Variants in AEBP2 observed in about 807,000 individuals in gnomAD.
AEBP2 encodes AE binding protein 2, also known as zinc finger protein AEBP2.
AEBP2 carries 10 observed loss-of-function variants against 50.8 expected under a neutral mutation model. The observed-to-expected ratio is 0.20, with a 90% CI of 0.12 to 0.33. AEBP2 has a LOEUF of 0.33. AEBP2 is among the 10% of genes least tolerant of loss of function. The pLI, the probability that AEBP2 is intolerant of heterozygous loss-of-function variation, is 1.00. For synonymous variants in AEBP2, 296 were observed against 261.3 expected (o/e 1.13, Z -1.28); for missense variants, 570 against 688.0 (o/e 0.83, Z 1.92).
At position 19,479,717 on chromosome 12, in the gene AEBP2, GTTTTTTTTTTTT is replaced by G. The variant is rs369410408; in HGVS notation, c.987+6382_987+6393del. On this transcript the variant is annotated intron_variant, in intron 3 of 7. Transcript: ENST00000266508. Reference sequence around the variant, plus strand: ...ATTATTTAATGTCACCTCTTTGTGGGTTTTTTTTTTTTTTTTTTTTTTTTTTTTTTTACTATT... The same window carrying G: ...ATTATTTAATGTCACCTCTTTGTGGGTTTTTTTTTTTTTTTTTTTACTATT... 2.9e-3 allele frequency among the ~76,000 whole-genome samples: 65 copies of G among 22,354 alleles called. 2 individuals carry two copies. The highest frequency in any genetic ancestry group is 0.11 in the Middle Eastern group (2 of 18). The allele number at this position is 22,354 out of a possible 152,430, so 14.7% of individuals were successfully genotyped here. A position where few individuals can be genotyped will look rare whatever the true frequency, so the allele number is the denominator to read the frequency against.
chr12:19,442,864 T>C (rs1423732305), intron 1 of AEBP2, among the ~76,000 whole-genome samples: 1 of 152,158 alleles, frequency 6.6e-6, no homozygotes, highest in African/African-American at 2.4e-5. Flanking sequence ...TAAATTACTG[T>C]AGATTACATC....
At chr12:19,487,283 T>C (rs1253641137) in intron 3 of AEBP2, among the ~76,000 whole-genome samples, 1 of 152,162 alleles carries the variant, frequency 6.6e-6, no homozygotes, top group African/African-American at 2.4e-5. Context: ...TCATTTCAGG[T>C]ATTTTTTTTT....
chr12:19,436,528 G>A (rs10841229), upstream of AEBP2, among the ~76,000 whole-genome samples: 75,485 of 151,364 alleles, frequency 0.5, 20,014 homozygotes, highest in Non-Finnish European at 0.61. Flanking sequence ...TCCTGGGGTC[G>A]GGATCGGGGC....
Position 19,521,335 on chromosome 12 carries a change from T to G in AEBP2, c.*3218T>G, listed in dbSNP as rs1363565554. 1 of 152,178 alleles carries G rather than the reference T, an allele frequency of 6.6e-6. No individual in the cohort carries two copies. Among genetic ancestry groups the G allele is most frequent in the African/African-American group, 2.4e-5 (1 of 41,436 alleles). The allele number at this position is 152,178 out of a possible 1,614,324, so 9.4% of individuals were successfully genotyped here. A position where few individuals can be genotyped will look rare whatever the true frequency, so the allele number is the denominator to read the frequency against. ...CATATTAGGTACCTACAACAAATGG[T>G]GGTTTTTGGAAACTTTTACGGTGGG... On this transcript the variant is annotated 3_prime_UTR_variant, in exon 8 of 8. Transcript: ENST00000266508.
rs193219090 is a variant in AEBP2, at chr12:19,513,802, G to T, written c.1368-869G>T. 3.0e-3 allele frequency among the ~76,000 whole-genome samples: 452 copies of T among 150,830 alleles called. 3 individuals carry two copies. Among genetic ancestry groups the T allele is most frequent in the Non-Finnish European group, 4.3e-3 (295 of 67,838 alleles). On this transcript the variant is annotated intron_variant, in intron 6 of 7. Coordinates refer to ENST00000266508, the MANE Select transcript of AEBP2 (RefSeq NM_153207.5). The stretch of plus-strand genomic sequence containing the variant: ...CAAATGTGTATATTCCTAATGTTTT[G>T]GAAATTGATTAATCCAAATATCAAA...
intron 1 of AEBP2, among the ~76,000 whole-genome samples, chr12:19,415,084 T>A (rs757274178): frequency 1.4e-4 from 21 of 149,942 alleles, no homozygotes; most frequent in Non-Finnish European, 2.5e-4. Flanking sequence ...CTGAGGCGGG[T>A]GGATCAGTTG....
intron 5 of AEBP2, among the ~76,000 whole-genome samples, chr12:19,501,808 T>G (rs1452622324): frequency 6.9e-6 from 1 of 145,810 alleles, no homozygotes; most frequent in East Asian, 2.0e-4. Context: ...TTTTTTTTTT[T>G]TTTTTTTTTG....
chr12:19,409,512 T>C (rs2095738172), intron 1 of AEBP2, among the ~76,000 whole-genome samples: 1 of 152,222 alleles, frequency 6.6e-6, no homozygotes. Flanking sequence ...GAAGGAAAAC[T>C]GTGAAATCAC....
chr12:19,504,257 C>T (rs769770028), intron 5 of AEBP2, among the ~76,000 whole-genome samples: 3 of 150,908 alleles, frequency 2.0e-5, no homozygotes, highest in South Asian at 4.2e-4. Context: ...TTTTTTGAGA[C>T]GGAGTCTTGC....
chr12:19,467,157 T>C (rs996878900), intron 2 of AEBP2, among the ~76,000 whole-genome samples: 5 of 152,174 alleles, frequency 3.3e-5, no homozygotes, highest in African/African-American at 1.2e-4. Context: ...GGTCTTGCCT[T>C]GGCCTCCCAA....
In AEBP2 at chr12:19,498,203, A is replaced by G. The variant is rs112066612; in HGVS notation, c.1175-1894A>G. ...AGTGTTTATTCTTAGGAAAAAGCAT[A>G]TATTTGGAGAGCTTGGAGAAAGTTA... is the stretch of plus-strand genomic sequence containing the variant. On this transcript the variant is annotated intron_variant, in intron 4 of 7. Transcript: ENST00000266508. 2.8e-3 allele frequency among the ~76,000 whole-genome samples: 434 copies of G among 152,320 alleles called. 1 individual carries two copies. The highest frequency in any genetic ancestry group is 9.8e-3 in the African/African-American group (408 of 41,582).
intron 1 of AEBP2, among the ~76,000 whole-genome samples, chr12:19,450,115 G>C (rs1379302232): frequency 1.3e-5 from 2 of 152,172 alleles, no homozygotes; most frequent in African/African-American, 4.8e-5. Context: ...GCAAAATCAG[G>C]TAGCCTTACA....
chr12:19,440,419 G>A lies in AEBP2; in HGVS notation c.671+49G>A, dbSNP rs763494698. 1.7e-5 allele frequency: 24 copies of A among 1,449,494 alleles called. No individual in the cohort carries two copies. The Admixed American group carries it at 3.6e-4, about 22-fold the overall frequency. The allele number at this position is 1,449,494 out of a possible 1,614,324, so 89.8% of individuals were successfully genotyped here. A position where few individuals can be genotyped will look rare whatever the true frequency, so the allele number is the denominator to read the frequency against. ...CTTCCCTTCCTCCTCTTGAACTCCC[G>A]GGCCCCTCAGAGGGGGACCAAGGCG... On this transcript the variant is annotated intron_variant, in intron 1 of 7. Transcript: ENST00000266508.
At chr12:19,440,854 CTT>C in intron 1 of AEBP2, 6 of 1,164,036 alleles carry the variant, frequency 5.2e-6, no homozygotes, top group Non-Finnish European at 7.2e-6. Flanking sequence ...CCAGCTATCA[CTT>C]TTCTCTACTT....
chr12:19,513,642 A>C (rs373500723), intron 6 of AEBP2, among the ~76,000 whole-genome samples: 1 of 152,148 alleles, frequency 6.6e-6, no homozygotes, highest in Non-Finnish European at 1.5e-5. Flanking sequence ...TGTCGCCTGT[A>C]GTCCCAGATA....
chr12:19,486,018 T>C (rs1356171059), intron 3 of AEBP2, among the ~76,000 whole-genome samples: 3 of 149,628 alleles, frequency 2.0e-5, no homozygotes, highest in Admixed American at 6.7e-5. Flanking sequence ...TAATGCACAC[T>C]TGTTTAACAG....
At chr12:19,494,922 T>A (rs1189720148) in intron 4 of AEBP2, among the ~76,000 whole-genome samples, 2 of 152,076 alleles carry the variant, frequency 1.3e-5, no homozygotes, top group African/African-American at 2.4e-5. Context: ...TATTATTATT[T>A]TTTTGATGGG....
chr12:19,440,292 C>G lies in AEBP2; in HGVS notation c.593C>G (p.Ala198Gly). 1 of 1,462,162 alleles carries G rather than the reference C, an allele frequency of 6.8e-7. No individual in the cohort carries two copies. Among genetic ancestry groups the G allele is most frequent in the Non-Finnish European group, 9.0e-7 (1 of 1,115,338 alleles). The allele number at this position is 1,462,162 out of a possible 1,614,324, so 90.6% of individuals were successfully genotyped here. ...GYGTGGGGSSATSGGRRGSLE... is the reference protein window; with the variant it reads ...GYGTGGGGSSGTSGGRRGSLE... Reference sequence around the variant, plus strand: ...GGGACTGGGGGAGGCGGAAGCAGCGCGACCTCCGGGGGCCGGCGGGGCAGC... The same window carrying G: ...GGGACTGGGGGAGGCGGAAGCAGCGGGACCTCCGGGGGCCGGCGGGGCAGC... The change falls in exon 1 of 8, where the codon GCG becomes GGG. Residue 198 changes from alanine (A) to glycine (G), a missense_variant. Ala to Gly is a moderately conservative substitution (Grantham distance 60, BLOSUM62 0). Transcript: ENST00000266508.
At chr12:19,488,467 C>G (rs1371371521) in intron 3 of AEBP2, among the ~76,000 whole-genome samples, 1 of 151,960 alleles carries the variant, frequency 6.6e-6, no homozygotes, top group Non-Finnish European at 1.5e-5. Context: ...GTGGCAGATT[C>G]TGAATTTCAG....
Sources: gnomAD v4.1 joint callset for allele counts (sites outside exome capture counted in the v4.1 genomes callset) on GRCh38, gnomAD v4.1.1 for gene constraint, MANE v1.5 for transcripts, NCBI Gene and HGNC (gene_info 2026-07-23, HGNC 2026-07-21) for gene names.